The following GPC5 variants were observed in gnomAD, a reference collection of about 807,000 sequenced individuals.
The protein encoded by GPC5 is glypican-5.
In GPC5, 47 loss-of-function variants were observed where a neutral mutation model predicts 53.9. The ratio of observed to expected loss-of-function variants is 0.87; its 90% confidence interval spans 0.69 to 1.11. The LOEUF (loss-of-function observed/expected upper bound fraction) is 1.11. Among genes scored for constraint, GPC5 ranks in the 50% most tolerant of loss-of-function variants. The probability of loss-of-function intolerance (pLI) is 0.00; values close to 1 mark genes in which losing one functional copy is unlikely to be tolerated. For synonymous variants in GPC5, 286 were observed against 263.3 expected (o/e 1.09, Z -0.84); for missense variants, 748 against 713.1 (o/e 1.05, Z -0.56).
intron 7 of GPC5, among the ~76,000 whole-genome samples, chr13:92,445,631 A>C (rs9561047): frequency 0.32 from 48,222 of 150,306 alleles, 8,787 homozygotes; most frequent in East Asian, 0.61. Context: ...CATGTCCCTA[A>C]AAAGGACATG....
chr13:92,450,222 G>C (rs1365318511), intron 7 of GPC5, among the ~76,000 whole-genome samples: 1 of 152,100 alleles, frequency 6.6e-6, no homozygotes, highest in Non-Finnish European at 1.5e-5. Context: ...AACACACACA[G>C]ACCTGAAGTA....
At chr13:92,549,071 A>T (rs747263696) in intron 7 of GPC5, among the ~76,000 whole-genome samples, 7 of 152,162 alleles carry the variant, frequency 4.6e-5, no homozygotes, top group Non-Finnish European at 8.8e-5. Context: ...TTAAAATATG[A>T]GTGCTCTCAT....
intron 6 of GPC5, among the ~76,000 whole-genome samples, chr13:91,965,632 G>T (rs974112336): frequency 1.3e-5 from 2 of 152,058 alleles, no homozygotes; most frequent in African/African-American, 2.4e-5. Flanking sequence ...ATTCACAAGG[G>T]TTCAAATTCA....
intron 6 of GPC5, among the ~76,000 whole-genome samples, chr13:92,022,770 G>T (rs953531778): frequency 4.0e-5 from 6 of 151,856 alleles, no homozygotes; most frequent in African/African-American, 1.5e-4. Flanking sequence ...CATTTTAATT[G>T]TTAGCATTCC....
chr13:92,508,991 A>G (rs185785548), intron 7 of GPC5, among the ~76,000 whole-genome samples: 202 of 152,316 alleles, frequency 1.3e-3, no homozygotes, highest in African/African-American at 4.6e-3. Flanking sequence ...AGTAGTGAAC[A>G]AGATAGAGAA....
intron 7 of GPC5, among the ~76,000 whole-genome samples, chr13:92,595,414 C>T (rs1883838148): frequency 6.6e-6 from 1 of 152,174 alleles, no homozygotes. Flanking sequence ...CAGTAAGAGT[C>T]GCCTACCATA....
chr13:92,157,809 C>T (rs1294531324), intron 7 of GPC5, among the ~76,000 whole-genome samples: 4 of 152,050 alleles, frequency 2.6e-5, no homozygotes, highest in Admixed American at 2.6e-4. Flanking sequence ...TAAACTATCT[C>T]ATTATATACC....
chr13:92,001,393 C>T (rs2040552709), intron 6 of GPC5, among the ~76,000 whole-genome samples: 1 of 152,132 alleles, frequency 6.6e-6, no homozygotes, highest in East Asian at 1.9e-4. Flanking sequence ...AATGCTGGAT[C>T]ATTCAAAATG....
rs193271523 is a variant in GPC5 at position 91,663,570 on chromosome 13, G to C, written c.326-29617G>C. ...ATTCCTAGGCTCAAGTGATCCCCCT[G>C]CCTCAGCCTCTCGAGTAGCTAGGAC... is the stretch of plus-strand genomic sequence containing the variant. On this transcript the variant is annotated intron_variant, in intron 2 of 7. Transcript: ENST00000377067. Among the ~76,000 whole-genome samples the C allele has an allele frequency of 3.1e-3, 475 of 152,160 alleles. 6 individuals are homozygous for C. The highest frequency in any genetic ancestry group is 0.011 in the African/African-American group (463 of 41,516).
At chr13:91,859,463 A>G (rs892526280) in intron 5 of GPC5, among the ~76,000 whole-genome samples, 15 of 152,148 alleles carry the variant, frequency 9.9e-5, no homozygotes, top group African/African-American at 2.6e-4. Context: ...AACCTAGAGT[A>G]TATTGATACA....
intron 7 of GPC5, among the ~76,000 whole-genome samples, chr13:92,713,888 G>A (rs901779058): frequency 6.6e-6 from 1 of 152,166 alleles, no homozygotes; most frequent in African/African-American, 2.4e-5. Context: ...TTCTGGTAAG[G>A]AGTGTAGCAG....
intron 2 of GPC5, among the ~76,000 whole-genome samples, chr13:91,537,655 T>C (rs1220997192): frequency 6.6e-6 from 1 of 152,140 alleles, no homozygotes; most frequent in Non-Finnish European, 1.5e-5. Flanking sequence ...ATGGAACACT[T>C]CCAAAACATT....
intron 7 of GPC5, among the ~76,000 whole-genome samples, chr13:92,491,564 T>C (rs1011578565): frequency 6.6e-6 from 1 of 152,120 alleles, no homozygotes; most frequent in East Asian, 1.9e-4. Context: ...GGTCAGGAGA[T>C]TTTTGTGAAT....
At chr13:91,856,915 A>G (rs1286770227) in intron 5 of GPC5, among the ~76,000 whole-genome samples, 1 of 151,038 alleles carries the variant, frequency 6.6e-6, no homozygotes, top group Non-Finnish European at 1.5e-5. Context: ...AATTTATTGT[A>G]TACCTGAAAT....
intron 6 of GPC5, among the ~76,000 whole-genome samples, chr13:91,938,150 T>C (rs1594674906): frequency 6.6e-6 from 1 of 152,010 alleles, no homozygotes; most frequent in African/African-American, 2.4e-5. Context: ...GGGTAATTTA[T>C]AAAGAAAAGA....
At chr13:92,157,452 G>C (rs2041953142) in intron 7 of GPC5, among the ~76,000 whole-genome samples, 1 of 152,162 alleles carries the variant, frequency 6.6e-6, no homozygotes. Flanking sequence ...CCCTGACATA[G>C]AGACTGGGAG....
intron 7 of GPC5, among the ~76,000 whole-genome samples, chr13:92,346,541 G>A (rs995446799): frequency 3.3e-5 from 5 of 152,122 alleles, no homozygotes; most frequent in Admixed American, 3.3e-4. Flanking sequence ...TCACTGGCTA[G>A]TTTAAATAGC....
chr13:92,493,625 C>T (rs1448331578), intron 7 of GPC5, among the ~76,000 whole-genome samples: 3 of 152,046 alleles, frequency 2.0e-5, no homozygotes, highest in Non-Finnish European at 4.4e-5. Context: ...GATATCTTGC[C>T]GTCTTGGTTG....
At chr13:92,806,915 T>C (rs758795315) in intron 7 of GPC5, among the ~76,000 whole-genome samples, 3 of 152,080 alleles carry the variant, frequency 2.0e-5, no homozygotes, top group African/African-American at 4.8e-5. Flanking sequence ...TGTTGGGGAA[T>C]TGGCACTGAT....
Sources: allele counts gnomAD v4.1 joint callset (sites outside exome capture counted in the v4.1 genomes callset), GRCh38; gene constraint gnomAD v4.1.1; transcripts MANE v1.5; gene names NCBI Gene and HGNC (gene_info 2026-07-23, HGNC 2026-07-21).